Variants in ERBIN observed in about 807,000 individuals in gnomAD.
ERBIN encodes densin-180-like protein.
ERBIN carries 60 observed loss-of-function variants against 158.4 expected under a neutral mutation model. That is an observed-to-expected ratio of 0.38 (90% CI 0.31 to 0.47). The LOEUF is 0.47. Ranked by LOEUF, ERBIN falls within the 20% of genes least tolerant of loss-of-function variation. The pLI is 0.99. For synonymous variants in ERBIN, 594 were observed against 557.2 expected, an observed-to-expected ratio of 1.07 and a Z score of -0.93; for missense variants, 1,610 against 1,648.0, an observed-to-expected ratio of 0.98 and a Z score of 0.40.
At chr5:65,952,933 A>T (rs1746689142) in intron 1 of ERBIN, among the ~76,000 whole-genome samples, 1 of 152,208 alleles carries the variant, frequency 6.6e-6, no homozygotes, top group Non-Finnish European at 1.5e-5. Flanking sequence ...AAAGTTATAA[A>T]TCAATCTTAA....
intron 17 of ERBIN, among the ~76,000 whole-genome samples, chr5:66,045,218 CAAAA>C (rs1561418390): frequency 6.6e-6 from 1 of 151,236 alleles, no homozygotes; most frequent in African/African-American, 2.4e-5. Context: ...GACCCTGTCT[CAAAA>C]AAAGAAAAAA....
chr5:66,079,336 A>G lies in ERBIN; in HGVS notation c.*806A>G, dbSNP rs1302196541. On this transcript the variant is annotated 3_prime_UTR_variant, in exon 26 of 26. Transcript: ENST00000284037. ...AAATTTTTAACTCTACTGTAGATGCATGTCCATGCATTTTCTGTGTTATGG... is the reference window on the plus strand; with the variant it reads ...AAATTTTTAACTCTACTGTAGATGCGTGTCCATGCATTTTCTGTGTTATGG... 2.0e-5 allele frequency: 3 copies of G among 149,236 alleles called. No individual in the cohort carries two copies. Among genetic ancestry groups the G allele is most frequent in the Non-Finnish European group, 4.4e-5 (3 of 67,512 alleles). The allele number at this position is 149,236 out of a possible 1,614,324, so 9.2% of individuals were successfully genotyped here. A position where few individuals can be genotyped will look rare whatever the true frequency, so the allele number is the denominator to read the frequency against.
intron 1 of ERBIN, among the ~76,000 whole-genome samples, chr5:65,977,910 C>T (rs921775242): frequency 1.6e-4 from 23 of 146,444 alleles, no homozygotes; most frequent in Non-Finnish European, 2.5e-4. Context: ...ATCCCGGCAC[C>T]TCAGGAGGCC....
At chr5:66,046,315 T>G in intron 17 of ERBIN, 38 bp from the exon 18 acceptor site, 1 of 1,238,756 alleles carries the variant, frequency 8.1e-7, no homozygotes, top group East Asian at 2.4e-5. Flanking sequence ...GATATAAAAC[T>G]TAAAGAATAT....
chr5:66,026,260 T>C, intron 12 of ERBIN, 42 bp from the exon 13 acceptor site: 1 of 1,337,296 alleles, frequency 7.5e-7, no homozygotes, highest in Non-Finnish European at 1.0e-6. Context: ...GATCAACCTG[T>C]AGGCCAAATT....
intron 1 of ERBIN, among the ~76,000 whole-genome samples, chr5:65,977,859 T>G (rs1750172579): frequency 6.6e-6 from 1 of 151,968 alleles, no homozygotes; most frequent in Admixed American, 6.6e-5. Flanking sequence ...CACTCCAGCC[T>G]GGGCACCATT....
At chr5:66,022,006 G>A (rs1345050355) in intron 8 of ERBIN, among the ~76,000 whole-genome samples, 1 of 151,586 alleles carries the variant, frequency 6.6e-6, no homozygotes, top group Non-Finnish European at 1.5e-5. Flanking sequence ...ATCCAGCTGA[G>A]TATCATTATT....
chr5:66,072,377 T>A, intron 22 of ERBIN, 86 bp downstream of exon 22: 9 of 1,331,386 alleles, frequency 6.8e-6, no homozygotes, highest in Non-Finnish European at 8.9e-6. Flanking sequence ...GTGCTTTAGA[T>A]GAAAATACTT....
chr5:65,998,894 CAAAAAAAAA>C (rs34966696), intron 4 of ERBIN, among the ~76,000 whole-genome samples: 5 of 69,934 alleles, frequency 7.1e-5, no homozygotes, highest in Non-Finnish European at 1.5e-4. Flanking sequence ...GACCCTGTCT[CAAAAAAAAA>C]AAAAAAAAAA....
At position 66,075,153 on chromosome 5, in the gene ERBIN, C is replaced by G; in HGVS notation, c.3886C>G (p.Leu1296Val). The part of the protein sequence containing the change: ...SREQLIDYLM[L>V]KVAHQPPYTQ... ...AGAACAACTAATTGATTACTTGATGCTGAAAGTGGCCCACCAGCCTCCATA... is the reference window on the plus strand; with the variant it reads ...AGAACAACTAATTGATTACTTGATGGTGAAAGTGGCCCACCAGCCTCCATA... Residue 1296 changes from leucine (L) to valine (V), a missense_variant, in exon 23 of 26, where the codon CTG becomes GTG. Physicochemically the swap from Leu to Val is conservative, Grantham distance 32. This residue lies in a region of ERBIN where 1,014 missense variants were observed against 936.1 expected (regional missense o/e 1.08). Coordinates refer to ENST00000284037, the MANE Select transcript of ERBIN (RefSeq NM_001253697.2). The G allele has an allele frequency of 1.2e-6, 2 of 1,614,132 alleles. No individual in the cohort carries two copies. The highest frequency in any genetic ancestry group is 1.7e-6 in the Non-Finnish European group (2 of 1,180,010).
rs1001459637 is a variant in ERBIN at position 65,967,471 on chromosome 5, T to C, written c.-57-21164T>C. Among the ~76,000 whole-genome samples the C allele has an allele frequency of 2.0e-5, 3 of 152,306 alleles. No homozygotes were observed. In the East Asian group the frequency reaches 5.8e-4, roughly 29 times the overall value. ...ATATGTTTAAATACACAAATACTTA[T>C]CATTGTGTCACAGATGCCTGCTGTA... On this transcript the variant is annotated intron_variant, in intron 1 of 25. Coordinates refer to ENST00000284037, the MANE Select transcript of ERBIN (RefSeq NM_001253697.2).
Position 65,926,771 on chromosome 5 carries a change from T to G in ERBIN, c.-93T>G, listed in dbSNP as rs1220476581. The G allele has an allele frequency of 6.6e-6, 1 of 151,980 alleles. No individual in the cohort carries two copies. The highest frequency in any genetic ancestry group is 1.5e-5 in the Non-Finnish European group (1 of 67,988). 9.4% of individuals were successfully genotyped at this position (151,980 alleles called of 1,614,324 possible). ...AAGGAAATCATGTCAAGCGAAGCCT[T>G]GAAAAAGCTGCCCTGAGACGGTGTC... On this transcript the variant is annotated 5_prime_UTR_variant, in exon 1 of 26. An upstream open reading frame in the 5' UTR loses its in-frame stop. Coordinates refer to ENST00000284037, the MANE Select transcript of ERBIN (RefSeq NM_001253697.2).
In ERBIN at chr5:65,991,509, A is replaced by G. The variant is rs115951499; in HGVS notation, c.-9-1201A>G. The stretch of plus-strand genomic sequence containing the variant: ...AATTTTATTTATTCCTAAAATTGCT[A>G]TAAAATTGCCAATGTATTTGTGTGG... On this transcript the variant is annotated intron_variant, in intron 2 of 25. Coordinates refer to ENST00000284037, the MANE Select transcript of ERBIN (RefSeq NM_001253697.2). Among the ~76,000 whole-genome samples the G allele has an allele frequency of 7.7e-3, 1,178 of 152,328 alleles. 8 individuals are homozygous for G. Among genetic ancestry groups the G allele is most frequent in the South Asian group, 0.042 (202 of 4,828 alleles).
chr5:65,986,707 A>G (rs1156397668), intron 1 of ERBIN, among the ~76,000 whole-genome samples: 2 of 152,260 alleles, frequency 1.3e-5, no homozygotes, highest in Non-Finnish European at 2.9e-5. Context: ...AAAACATAGC[A>G]ATAGTTTAAG....
chr5:66,044,809 G>T (rs1758258972), intron 17 of ERBIN, among the ~76,000 whole-genome samples: 1 of 151,896 alleles, frequency 6.6e-6, no homozygotes. Flanking sequence ...GGCCATGGTG[G>T]CTCACTCCTG....
chr5:65,967,964 G>A (rs550143169), intron 1 of ERBIN, among the ~76,000 whole-genome samples: 84 of 152,264 alleles, frequency 5.5e-4, no homozygotes, highest in South Asian at 1.5e-3. Context: ...GAGGGCAAGT[G>A]GATGAAAGGA....
intron 1 of ERBIN, among the ~76,000 whole-genome samples, chr5:65,975,661 A>T (rs1049709416): frequency 2.6e-5 from 4 of 152,190 alleles, no homozygotes; most frequent in African/African-American, 9.7e-5. Context: ...AATGATGGGG[A>T]CAAAAGTGTG....
intron 7 of ERBIN, among the ~76,000 whole-genome samples, chr5:66,020,293 T>C (rs1025690101): frequency 2.7e-4 from 41 of 152,030 alleles, no homozygotes; most frequent in African/African-American, 8.4e-4. Flanking sequence ...GCTGGAGAAA[T>C]GTTGCAACTG....
chr5:66,008,569 A>C (rs544485783), intron 4 of ERBIN, among the ~76,000 whole-genome samples: 1 of 152,202 alleles, frequency 6.6e-6, no homozygotes, highest in Non-Finnish European at 1.5e-5. Flanking sequence ...ATTGTTCTCC[A>C]TATGGTATTT....
Sources: gnomAD v4.1 joint callset for allele counts (sites outside exome capture counted in the v4.1 genomes callset) on GRCh38, gnomAD v4.1.1 for gene constraint, gnomAD v4.1.1 regional missense constraint, MANE v1.5 for transcripts, NCBI Gene and HGNC (gene_info 2026-07-23, HGNC 2026-07-21) for gene names.